The following TMPRSS4 variants were observed in gnomAD, a reference collection of about 807,000 sequenced individuals.
TMPRSS4 encodes the protein transmembrane serine protease 4.
TMPRSS4 carries 45 observed loss-of-function variants against 56.4 expected under a neutral mutation model. That is an observed-to-expected ratio of 0.80 (90% confidence interval 0.63 to 1.02). The LOEUF (loss-of-function observed/expected upper bound fraction) is 1.02, where lower values mean the gene tolerates loss of function less well. Among genes scored for constraint, TMPRSS4 ranks in the 50% least tolerant of loss-of-function variants. TMPRSS4 has a pLI of 0.00. For missense variants in TMPRSS4, 546 were observed against 556.7 expected (o/e 0.98, Z 0.19); for synonymous variants, 205 against 211.0 (o/e 0.97, Z 0.25).
At chr11:118,117,035 C>T (rs1369116637) in intron 11 of TMPRSS4, among the ~76,000 whole-genome samples, 1 of 152,164 alleles carries the variant, frequency 6.6e-6, no homozygotes. Context: ...TTTAAGACAT[C>T]ACTCAGAGCC....
intron 1 of TMPRSS4, among the ~76,000 whole-genome samples, chr11:118,078,868 G>A (rs779272233): frequency 6.6e-6 from 1 of 152,112 alleles, no homozygotes; most frequent in African/African-American, 2.4e-5. Context: ...ACAGCCCCAC[G>A]CACATGCACC....
intron 1 of TMPRSS4, among the ~76,000 whole-genome samples, chr11:118,081,110 T>C (rs1009324600): frequency 6.6e-6 from 1 of 152,218 alleles, no homozygotes; most frequent in African/African-American, 2.4e-5. Flanking sequence ...TGTGAATGAA[T>C]GAATGAGTGG....
chr11:118,108,625 C>G, intron 6 of TMPRSS4: 1 of 549,842 alleles, frequency 1.8e-6, no homozygotes, highest in African/African-American at 1.9e-5. Flanking sequence ...AGGCAGGGCC[C>G]AGCACACAGT....
chr11:118,119,093 A>T lies in TMPRSS4; in HGVS notation c.*1180A>T, dbSNP rs977175725. 1.4e-5 allele frequency: 14 copies of T among 985,480 alleles called. No homozygotes were observed. In the Admixed American group the frequency reaches 3.1e-4, roughly 22 times the overall value. The allele number at this position is 985,480 out of a possible 1,614,324, so 61.0% of individuals were successfully genotyped here. On this transcript the variant is annotated 3_prime_UTR_variant, in exon 13 of 13. Coordinates refer to ENST00000437212, the MANE Select transcript of TMPRSS4 (RefSeq NM_019894.4). ...CTTGTTCATACTGTACTAGGTTCTT[A>T]GGAAACAACAGAATTCCTCAAATGC... is the stretch of plus-strand genomic sequence containing the variant.
At position 118,118,822 on chromosome 11, in the gene TMPRSS4, G is replaced by C; in HGVS notation, c.*909G>C. On this transcript the variant is annotated 3_prime_UTR_variant, in exon 13 of 13. Transcript: ENST00000437212. ...GTGGCTGGAAAGAAATGCTGGTCCT[G>C]TGTCCTAACTTTTTCCGCCTGGAGA... The C allele has an allele frequency of 1.0e-6, 1 of 985,430 alleles. No homozygotes were observed. Among genetic ancestry groups the C allele is most frequent in the South Asian group, 4.7e-5 (1 of 21,294 alleles). The allele number at this position is 985,430 out of a possible 1,614,324, so 61.0% of individuals were successfully genotyped here.
Position 118,115,229 on chromosome 11 carries a change from C to T in TMPRSS4, c.1101C>T (p.Thr367=), listed in dbSNP as rs375440943. The change falls in exon 11 of 13, where the codon ACC becomes ACT. Residue 367 remains threonine (T), a synonymous_variant. Coordinates refer to ENST00000437212, the MANE Select transcript of TMPRSS4 (RefSeq NM_019894.4). ...NADDAYQGEV[T]EKMMCAGIPE... is the part of the protein sequence containing the mutation. ...ACGATGCGTACCAGGGGGAAGTCAC[C>T]GAGAAGATGATGTGTGCAGGCATCC... is the stretch of plus-strand genomic sequence containing the variant. 8.1e-6 allele frequency: 13 copies of T among 1,612,730 alleles called. No homozygotes were observed. Among genetic ancestry groups the T allele is most frequent in the Non-Finnish European group, 1.1e-5 (13 of 1,179,900 alleles).
At chr11:118,117,831 G>T in intron 12 of TMPRSS4, 71 bp from the exon 13 acceptor site, 1 of 1,613,802 alleles carries the variant, frequency 6.2e-7, no homozygotes, top group Admixed American at 1.7e-5. Flanking sequence ...GAAGACTCAC[G>T]TTACACATGT....
intron 1 of TMPRSS4, among the ~76,000 whole-genome samples, chr11:118,078,851 ACC>A (rs1245238185): frequency 6.6e-6 from 1 of 152,074 alleles, no homozygotes; most frequent in Non-Finnish European, 1.5e-5. Context: ...AAACGATATG[ACC>A]CACAACAGCC....
chr11:118,079,319 A>G (rs1944948517), intron 1 of TMPRSS4, among the ~76,000 whole-genome samples: 1 of 151,514 alleles, frequency 6.6e-6, no homozygotes, highest in Admixed American at 6.6e-5. Flanking sequence ...TCCATTCCCT[A>G]CCTCCTTCCA....
rs1160627556 is a variant in TMPRSS4 at position 118,115,130 on chromosome 11, C to G, written c.1010-8C>G. On this transcript the variant is annotated splice_region_variant and splice_polypyrimidine_tract_variant and intron_variant, in intron 10 of 12. Transcript: ENST00000437212. ...AGGATGGGAATGTGAGTGTTTTTAC[C>G]CTCCCAGGGAAGATGTCTGACATAC... is the stretch of plus-strand genomic sequence containing the variant. 1.2e-6 allele frequency: 2 copies of G among 1,607,774 alleles called. No individual in the cohort carries two copies. Among genetic ancestry groups the G allele is most frequent in the Non-Finnish European group, 1.7e-6 (2 of 1,177,602 alleles).
chr11:118,098,962 C>T, intron 2 of TMPRSS4, 23 bp from the exon 3 acceptor site: 1 of 1,593,140 alleles, frequency 6.3e-7, no homozygotes, highest in Non-Finnish European at 8.6e-7. Flanking sequence ...TGCTCTTCCC[C>T]TCTGCCTCCC....
intron 1 of TMPRSS4, among the ~76,000 whole-genome samples, 200 bp from the exon 2 acceptor site, chr11:118,094,616 A>G (rs1343210273): frequency 6.6e-6 from 1 of 152,240 alleles, no homozygotes; most frequent in Non-Finnish European, 1.5e-5. Flanking sequence ...TAAGTAAACT[A>G]ATAAGTAAAC....
At chr11:118,098,731 G>A (rs1004131163) in intron 2 of TMPRSS4, among the ~76,000 whole-genome samples, 1 of 152,202 alleles carries the variant, frequency 6.6e-6, no homozygotes, top group Non-Finnish European at 1.5e-5. Flanking sequence ...ACACGGGGGA[G>A]GTGGCCTGAC....
chr11:118,080,523 G>T (rs879515235), intron 1 of TMPRSS4, among the ~76,000 whole-genome samples: 2 of 152,120 alleles, frequency 1.3e-5, no homozygotes, highest in Admixed American at 6.5e-5. Context: ...TGGAGAAGGG[G>T]TTCAGATGTC....
intron 7 of TMPRSS4, among the ~76,000 whole-genome samples, chr11:118,109,418 G>A (rs12278179): frequency 0.03 from 4,644 of 152,310 alleles, 238 homozygotes; most frequent in African/African-American, 0.1. Context: ...AGAGAGAGAT[G>A]CAAGACAACA....
chr11:118,100,731 A>G (rs1481906166), intron 3 of TMPRSS4, among the ~76,000 whole-genome samples: 3 of 152,186 alleles, frequency 2.0e-5, no homozygotes, highest in Admixed American at 1.3e-4. Flanking sequence ...CTTGCTTTCC[A>G]TAAGCATACA....
intron 3 of TMPRSS4, among the ~76,000 whole-genome samples, chr11:118,102,370 G>C (rs1946758757): frequency 6.6e-6 from 1 of 152,198 alleles, no homozygotes; most frequent in Non-Finnish European, 1.5e-5. Context: ...CCATTGTACA[G>C]ATGAGGAAAC....
At chr11:118,101,624 C>T (rs533109865) in intron 3 of TMPRSS4, among the ~76,000 whole-genome samples, 1 of 152,294 alleles carries the variant, frequency 6.6e-6, no homozygotes, top group South Asian at 2.1e-4. Flanking sequence ...CAGGGGCACA[C>T]CACCATGCCT....
At chr11:118,097,737 T>C (rs1946486619) in intron 2 of TMPRSS4, among the ~76,000 whole-genome samples, 1 of 152,174 alleles carries the variant, frequency 6.6e-6, no homozygotes, top group African/African-American at 2.4e-5. Context: ...GACTCTTTTG[T>C]TCCAATCCAC....
Sources: gnomAD v4.1 joint callset for allele counts (sites outside exome capture counted in the v4.1 genomes callset) on GRCh38, gnomAD v4.1.1 for gene constraint, MANE v1.5 for transcripts, NCBI Gene and HGNC (gene_info 2026-07-23, HGNC 2026-07-21) for gene names.